LRRC72: variants seen among roughly 807,000 people sequenced by gnomAD.
The protein encoded by LRRC72 is leucine rich repeat containing 72.
LRRC72 carries 41 observed loss-of-function variants against 35.8 expected under a neutral mutation model. That is an observed-to-expected ratio of 1.15 (90% CI 0.89 to 1.49). The LOEUF is 1.49. Among genes scored for constraint, LRRC72 ranks in the 40% most tolerant of loss-of-function variants. The probability of loss-of-function intolerance (pLI) is 0.00; values close to 1 mark genes in which losing one functional copy is unlikely to be tolerated. For synonymous variants in LRRC72, 118 were observed against 119.2 expected (o/e 0.99, Z 0.07); for missense variants, 389 against 330.7 (o/e 1.18, Z -1.37).
At chr7:16,555,450 A>G (rs758588718) in intron 3 of LRRC72, among the ~76,000 whole-genome samples, 1 of 152,214 alleles carries the variant, frequency 6.6e-6, no homozygotes, top group Non-Finnish European at 1.5e-5. Flanking sequence ...CTGTTCATCA[A>G]TGAGCAAAAT....
chr7:16,568,659 A>C (rs1172818570), intron 7 of LRRC72, among the ~76,000 whole-genome samples: 11 of 152,242 alleles, frequency 7.2e-5, no homozygotes, highest in Admixed American at 7.2e-4. Flanking sequence ...GAATTGGCAA[A>C]GAATTCTTAG....
intron 3 of LRRC72, among the ~76,000 whole-genome samples, chr7:16,539,756 G>T (rs566339592): frequency 9.8e-5 from 15 of 152,368 alleles, no homozygotes; most frequent in Admixed American, 8.5e-4. Context: ...TTGAGCTGTT[G>T]CTTCAGAGGG....
At chr7:16,533,150 A>G (rs1458230850) in intron 2 of LRRC72, among the ~76,000 whole-genome samples, 3 of 152,110 alleles carry the variant, frequency 2.0e-5, no homozygotes, top group Non-Finnish European at 4.4e-5. Context: ...TAACATTATT[A>G]CTATTATTAG....
intron 5 of LRRC72, among the ~76,000 whole-genome samples, chr7:16,562,435 GTTTC>G (rs995085986): frequency 6.6e-6 from 1 of 152,112 alleles, no homozygotes; most frequent in African/African-American, 2.4e-5. Context: ...CAGTTTTCTC[GTTTC>G]TTTCTAATTT....
At chr7:16,548,813 G>T (rs961954509) in intron 3 of LRRC72, among the ~76,000 whole-genome samples, 2 of 152,242 alleles carry the variant, frequency 1.3e-5, no homozygotes, top group African/African-American at 4.8e-5. Context: ...GAGGTTTCCA[G>T]CTGGTGAAGC....
chr7:16,537,724 C>T, intron 3 of LRRC72, 28 bp downstream of exon 3: 2 of 1,218,212 alleles, frequency 1.6e-6, no homozygotes, highest in Non-Finnish European at 2.3e-6. Flanking sequence ...CTTTCAATTA[C>T]TAAAATTAAA....
At chr7:16,537,567 C>T in intron 2 of LRRC72, 60 bp from the exon 3 acceptor site, 1 of 1,052,630 alleles carries the variant, frequency 9.5e-7, no homozygotes, top group Non-Finnish European at 1.4e-6. Context: ...ACTACATGCC[C>T]AGACTTACCT....
intron 1 of LRRC72, among the ~76,000 whole-genome samples, chr7:16,531,257 G>C (rs2128334284): frequency 6.6e-6 from 1 of 151,600 alleles, no homozygotes; most frequent in African/African-American, 2.4e-5. Flanking sequence ...TGATCCAATG[G>C]GTTTTTCCAA....
At chr7:16,554,311 C>A (rs1434784374) in intron 3 of LRRC72, among the ~76,000 whole-genome samples, 1 of 152,208 alleles carries the variant, frequency 6.6e-6, no homozygotes, top group Admixed American at 6.5e-5. Flanking sequence ...GCCTGGGTGA[C>A]AGAGTGAGAC....
chr7:16,532,816 TC>T (rs1782191858), intron 2 of LRRC72: 3 of 546,278 alleles, frequency 5.5e-6, no homozygotes, highest in South Asian at 3.7e-5. Flanking sequence ...AGCTGGGTGA[TC>T]TTGGGTATGT....
At position 16,581,495 on chromosome 7, in the gene LRRC72, G is replaced by C. The variant is rs1317620020; in HGVS notation, c.*6G>C. 1 of 1,532,704 alleles carries C rather than the reference G, an allele frequency of 6.5e-7. No individual in the cohort carries two copies. The allele number at this position is 1,532,704 out of a possible 1,614,324, so 94.9% of individuals were successfully genotyped here. On this transcript the variant is annotated 3_prime_UTR_variant, in exon 9 of 9. Transcript: ENST00000401542. ...TCACAGTTACACTGAGATAAGCCCT[G>C]GTATTTCTAGATATCTTAGTGGTTT...
chr7:16,577,510 A>G (rs897422788), intron 7 of LRRC72, among the ~76,000 whole-genome samples: 1 of 152,254 alleles, frequency 6.6e-6, no homozygotes, highest in Non-Finnish European at 1.5e-5. Flanking sequence ...ATCAAAGAGA[A>G]ATGTTGACAG....
chr7:16,547,136 T>G (rs1782457446), intron 3 of LRRC72, among the ~76,000 whole-genome samples: 1 of 152,100 alleles, frequency 6.6e-6, no homozygotes, highest in Middle Eastern at 3.2e-3. Flanking sequence ...TGCTGTGTCT[T>G]GGGAACCTGT....
At chr7:16,545,707 A>T (rs1782433608) in intron 3 of LRRC72, among the ~76,000 whole-genome samples, 1 of 152,182 alleles carries the variant, frequency 6.6e-6, no homozygotes, top group East Asian at 1.9e-4. Context: ...CTTTGTTGAA[A>T]AAATTATATT....
chr7:16,554,866 A>G (rs1415072809), intron 3 of LRRC72, among the ~76,000 whole-genome samples: 1 of 152,238 alleles, frequency 6.6e-6, no homozygotes, highest in African/African-American at 2.4e-5. Flanking sequence ...AAGAGAAATT[A>G]AAGTCTCAGC....
chr7:16,553,502 C>T (rs1416383602), intron 3 of LRRC72, among the ~76,000 whole-genome samples: 1 of 152,150 alleles, frequency 6.6e-6, no homozygotes, highest in African/African-American at 2.4e-5. Context: ...AGCTTAATGC[C>T]CAGCTCATAA....
chr7:16,573,191 T>A (rs553071022), intron 7 of LRRC72, among the ~76,000 whole-genome samples: 3 of 152,186 alleles, frequency 2.0e-5, no homozygotes, highest in East Asian at 1.9e-4. Flanking sequence ...TGTTCATGGA[T>A]AGGAAGAATC....
rs1343882503 is a variant in LRRC72 at position 16,557,449 on chromosome 7, T to G, written c.316+8T>G. The G allele has an allele frequency of 3.6e-6, 4 of 1,118,824 alleles. No homozygotes were observed. The East Asian group carries it at 1.3e-4, about 35-fold the overall frequency. 69.3% of individuals were successfully genotyped at this position (1,118,824 alleles called of 1,614,324 possible). ...CAATATTTGAGATAGAAGGTACGTC[T>G]TAAATTCTCTGTTGATTTAATAAAT... On this transcript the variant is annotated splice_region_variant and intron_variant, in intron 4 of 8. Transcript: ENST00000401542.
intron 4 of LRRC72, 67 bp downstream of exon 4, chr7:16,557,508 T>C (rs1471968466): frequency 6.1e-6 from 3 of 494,154 alleles, no homozygotes; most frequent in South Asian, 8.7e-5. Flanking sequence ...ACTATGGTAA[T>C]TGCTAATGAC....
Sources: allele counts gnomAD v4.1 joint callset (sites outside exome capture counted in the v4.1 genomes callset), GRCh38; gene constraint gnomAD v4.1.1; transcripts MANE v1.5; gene names NCBI Gene and HGNC (gene_info 2026-07-23, HGNC 2026-07-21).